The following RARRES1 variants were observed in gnomAD, a reference collection of about 807,000 sequenced individuals.
RARRES1 encodes the protein retinoic acid receptor responder 1, also known as retinoic acid receptor responder protein 1.
A neutral mutation model predicts 30.6 loss-of-function variants in RARRES1; 34 were observed. That is an observed-to-expected ratio of 1.11 (90% CI 0.84 to 1.48). RARRES1 has a LOEUF of 1.48. Ranked by LOEUF, RARRES1 falls within the 40% of genes most tolerant of loss-of-function variation. The probability of loss-of-function intolerance (pLI) is 0.00; values close to 1 mark genes in which losing one functional copy is unlikely to be tolerated. For missense variants in RARRES1, 373 were observed against 386.5 expected, an observed-to-expected ratio of 0.97 and a Z score of 0.29; for synonymous variants, 153 against 155.5, an observed-to-expected ratio of 0.98 and a Z score of 0.12.
chr3:158,716,373 T>A (rs577965940), intron 1 of RARRES1, among the ~76,000 whole-genome samples: 1 of 152,298 alleles, frequency 6.6e-6, no homozygotes, highest in East Asian at 1.9e-4. Flanking sequence ...CGGGCATGGT[T>A]ATATGCTATG....
chr3:158,719,037 C>T (rs1172708220), intron 1 of RARRES1, among the ~76,000 whole-genome samples: 1 of 152,086 alleles, frequency 6.6e-6, no homozygotes, highest in Non-Finnish European at 1.5e-5. Flanking sequence ...CTTGACATCC[C>T]TTTCTTTAAA....
Position 158,732,179 on chromosome 3 carries a change from C to A in RARRES1, c.237G>T (p.Ala79=). 1 of 1,415,050 alleles carries A rather than the reference C, an allele frequency of 7.1e-7. No homozygotes were observed. Among genetic ancestry groups the A allele is most frequent in the Non-Finnish European group, 9.2e-7 (1 of 1,090,962 alleles). 87.7% of individuals were successfully genotyped at this position (1,415,050 alleles called of 1,614,324 possible). A position where few individuals can be genotyped will look rare whatever the true frequency, so the allele number is the denominator to read the frequency against. The change falls in exon 1 of 6, where the codon GCG becomes GCT. Residue 79 remains alanine (A), a synonymous_variant. Transcript: ENST00000237696. The stretch of plus-strand genomic sequence containing the variant: ...CCTGCACCTCGGCCAGCACTCGTAG[C>A]GCGCTGGGCGAGCCGGACCGGAAGT... The part of the protein sequence containing the change: ...FFNFRSGSPS[A]LRVLAEVQEG...
Position 158,697,773 on chromosome 3 carries a change from C to CT in RARRES1, c.789dup (p.Val264SerfsTer18). ...TGTAGCTCTTGACAGTGGTACTTCACTTTAAGAGGTTTGCCAGGGTACCAG... is the reference window on the plus strand; with the variant it reads ...TGTAGCTCTTGACAGTGGTACTTCACTTTTAAGAGGTTTGCCAGGGTACCAG... On this transcript the variant is annotated frameshift_variant, in exon 6 of 6. Coordinates refer to ENST00000237696, the MANE Select transcript of RARRES1 (RefSeq NM_206963.2). LOFTEE classifies it high-confidence loss of function. The CT allele has an allele frequency of 6.2e-7, 1 of 1,610,790 alleles. No individual in the cohort carries two copies. The highest frequency in any genetic ancestry group is 8.5e-7 in the Non-Finnish European group (1 of 1,176,966).
intron 1 of RARRES1, among the ~76,000 whole-genome samples, chr3:158,728,221 A>C (rs919381490): frequency 1.3e-5 from 2 of 152,100 alleles, no homozygotes; most frequent in African/African-American, 4.8e-5. Context: ...AAAAAAAAAA[A>C]AAACCGGATC....
intron 2 of RARRES1, among the ~76,000 whole-genome samples, chr3:158,713,180 G>A (rs1337676361): frequency 6.6e-6 from 1 of 152,088 alleles, no homozygotes; most frequent in African/African-American, 2.4e-5. Flanking sequence ...CTCCGCCCAT[G>A]CTCTGATTGC....
chr3:158,711,684 C>T (rs1432615409), intron 2 of RARRES1, among the ~76,000 whole-genome samples: 2 of 150,892 alleles, frequency 1.3e-5, no homozygotes, highest in African/African-American at 4.9e-5. Context: ...CAACCTCTGC[C>T]TCCTGGGTTC....
intron 1 of RARRES1, among the ~76,000 whole-genome samples, chr3:158,717,316 C>G (rs572664306): frequency 6.6e-6 from 1 of 152,238 alleles, no homozygotes; most frequent in East Asian, 1.9e-4. Flanking sequence ...GGCAGTCTAG[C>G]GGGAGAGGGC....
In RARRES1 at chr3:158,732,389, A is replaced by C. The variant is rs6786423; in HGVS notation, c.27T>G (p.Pro9=). The C allele has an allele frequency of 2.7e-6, 4 of 1,504,088 alleles. No homozygotes were observed. Among genetic ancestry groups the C allele is most frequent in the Middle Eastern group, 3.7e-4 (2 of 5,350 alleles). The allele number at this position is 1,504,088 out of a possible 1,614,324, so 93.2% of individuals were successfully genotyped here. The change falls in exon 1 of 6, where the codon CCT becomes CCG. Residue 9 remains proline (P), a synonymous_variant. Transcript: ENST00000237696. MQPRRQRL[P]APWSGPRGPR... Reference sequence around the variant, plus strand: ...GGCCCCTGGGCCCGGACCAGGGAGCAGGCAGCCGTTGCCGGCGGGGCTGCA... The same window carrying C: ...GGCCCCTGGGCCCGGACCAGGGAGCCGGCAGCCGTTGCCGGCGGGGCTGCA...
intron 1 of RARRES1, among the ~76,000 whole-genome samples, chr3:158,722,550 G>C (rs1038412189): frequency 4.6e-5 from 7 of 152,140 alleles, no homozygotes; most frequent in African/African-American, 1.7e-4. Context: ...GAGGGACAGA[G>C]AATGGGTATT....
At chr3:158,715,221 T>G (rs141947851) in intron 1 of RARRES1, among the ~76,000 whole-genome samples, 15 of 152,364 alleles carry the variant, frequency 9.8e-5, no homozygotes, top group Admixed American at 9.8e-4. Context: ...TGGGGAGATA[T>G]AAAGAAATAT....
intron 1 of RARRES1, among the ~76,000 whole-genome samples, chr3:158,731,663 G>C (rs1157548529): frequency 6.6e-6 from 1 of 152,236 alleles, no homozygotes; most frequent in Non-Finnish European, 1.5e-5. Flanking sequence ...ACAAGAGACA[G>C]TCGTCCGCGG....
chr3:158,703,202 A>C (rs1726794052), intron 4 of RARRES1, among the ~76,000 whole-genome samples: 1 of 152,108 alleles, frequency 6.6e-6, no homozygotes, highest in African/African-American at 2.4e-5. Flanking sequence ...TCCTACTTTG[A>C]TATCTGCCCT....
chr3:158,700,199 A>AGTGTG (rs1406439734), intron 4 of RARRES1, among the ~76,000 whole-genome samples: 1 of 113,718 alleles, frequency 8.8e-6, no homozygotes, highest in African/African-American at 3.5e-5. Context: ...AAAAATAATA[A>AGTGTG]TAAGTGTGTG....
In RARRES1 at chr3:158,697,623, A is replaced by G. The variant is rs1726589059; in HGVS notation, c.*55T>C. 6.7e-7 allele frequency: 1 copy of G among 1,495,576 alleles called. No homozygotes were observed. The highest frequency in any genetic ancestry group is 9.2e-7 in the Non-Finnish European group (1 of 1,090,302). The allele number at this position is 1,495,576 out of a possible 1,614,324, so 92.6% of individuals were successfully genotyped here. On this transcript the variant is annotated 3_prime_UTR_variant, in exon 6 of 6. Coordinates refer to ENST00000237696, the MANE Select transcript of RARRES1 (RefSeq NM_206963.2). Reference sequence around the variant, plus strand: ...CCTTAGCTGTTTTACTAGAAGAATGATTTATGCTAGTATAGTCACTTGTTT... The same window carrying G: ...CCTTAGCTGTTTTACTAGAAGAATGGTTTATGCTAGTATAGTCACTTGTTT...
chr3:158,732,050 G>T, intron 1 of RARRES1, 90 bp downstream of exon 1: 1 of 1,191,838 alleles, frequency 8.4e-7, no homozygotes, highest in South Asian at 2.8e-5. Context: ...ACCATCCGTT[G>T]GGCCGGCAGG....
intron 3 of RARRES1, among the ~76,000 whole-genome samples, chr3:158,706,907 G>A (rs59450987): frequency 0.015 from 2,217 of 152,254 alleles, 51 homozygotes; most frequent in African/African-American, 0.051. Context: ...GGTGGCTCAC[G>A]CCTGTAATCC....
At chr3:158,726,468 G>A (rs1173393009) in intron 1 of RARRES1, among the ~76,000 whole-genome samples, 1 of 152,172 alleles carries the variant, frequency 6.6e-6, no homozygotes. Flanking sequence ...GGCCTATATG[G>A]GCCTGGCCTG....
At chr3:158,714,010 T>C in intron 1 of RARRES1, 151 bp from the exon 2 acceptor site, 1 of 729,368 alleles carries the variant, frequency 1.4e-6, no homozygotes, top group Non-Finnish European at 2.3e-6. Flanking sequence ...AAGAAAGATC[T>C]CAAATTTTGT....
At position 158,728,351 on chromosome 3, in the gene RARRES1, G is replaced by A. The variant is rs1243785853; in HGVS notation, c.276+3789C>T. On this transcript the variant is annotated intron_variant, in intron 1 of 5. Coordinates refer to ENST00000237696, the MANE Select transcript of RARRES1 (RefSeq NM_206963.2). ...CCCTAGAATTGGGAGGGATACCCAT[G>A]AACTACACTTCTCTTCCTTACCTGG... Among the ~76,000 whole-genome samples, 3 of 152,126 alleles carry A rather than the reference G, an allele frequency of 2.0e-5. No individual in the cohort carries two copies. In the East Asian group the frequency reaches 5.8e-4, roughly 29 times the overall value.
Sources: gnomAD v4.1 joint callset for allele counts (sites outside exome capture counted in the v4.1 genomes callset) on GRCh38, gnomAD v4.1.1 for gene constraint, MANE v1.5 for transcripts, NCBI Gene and HGNC (gene_info 2026-07-23, HGNC 2026-07-21) for gene names.